Variants in B3GALT1 observed in about 807,000 individuals in gnomAD.
B3GALT1 encodes the protein beta-1,3-galactosyltransferase 1, also known as UDP-Gal:betaGlcNAc beta 1,3-galactosyltransferase, polypeptide 1.
In B3GALT1, 10 loss-of-function variants were observed where a neutral mutation model predicts 23.2. The observed-to-expected ratio is 0.43, with a 90% CI of 0.27 to 0.73. The LOEUF is 0.73. Ranked by LOEUF, B3GALT1 falls within the 30% of genes least tolerant of loss-of-function variation. The pLI is 0.21. For synonymous variants in B3GALT1, 156 were observed against 141.5 expected, an observed-to-expected ratio of 1.10 and a Z score of -0.73; for missense variants, 299 against 405.4, an observed-to-expected ratio of 0.74 and a Z score of 2.25.
rs925309677 is a variant in B3GALT1, at chr2:167,611,537, A to T, written c.-409-35372A>T. On this transcript the variant is annotated intron_variant, in intron 2 of 4. Coordinates refer to ENST00000392690, the MANE Select transcript of B3GALT1 (RefSeq NM_020981.4). ...ACGCAAAAACCAGCTATCACCTGGCAAGATGGCTGATTTCTATAGAAATAT... is the reference window on the plus strand; with the variant it reads ...ACGCAAAAACCAGCTATCACCTGGCTAGATGGCTGATTTCTATAGAAATAT... Among the ~76,000 whole-genome samples the T allele has an allele frequency of 1.2e-4, 19 of 152,164 alleles. No homozygotes were observed. The South Asian group carries it at 3.1e-3, about 25-fold the overall frequency.
chr2:167,796,644 G>A (rs903699513), intron 3 of B3GALT1, among the ~76,000 whole-genome samples: 12 of 151,472 alleles, frequency 7.9e-5, no homozygotes, highest in African/African-American at 2.9e-4. Context: ...AGCTATTCGG[G>A]AGGCTGAGAG....
chr2:167,456,421 G>A (rs11887881), intron 1 of B3GALT1, among the ~76,000 whole-genome samples: 3,678 of 152,210 alleles, frequency 0.024, 145 homozygotes, highest in African/African-American at 0.084. Flanking sequence ...ATGTGGAGAA[G>A]ACATACATCC....
chr2:167,722,769 T>G (rs183222535), intron 3 of B3GALT1, among the ~76,000 whole-genome samples: 51 of 152,278 alleles, frequency 3.3e-4, no homozygotes, highest in Non-Finnish European at 1.8e-4. Flanking sequence ...TCAGAAGTAG[T>G]AAAAGCTCAA....
At chr2:167,772,487 A>G (rs1421562382) in intron 3 of B3GALT1, among the ~76,000 whole-genome samples, 1 of 152,178 alleles carries the variant, frequency 6.6e-6, no homozygotes. Context: ...ATTTGAACTC[A>G]AGGCAGTGTA....
At chr2:167,563,037 C>T (rs1684043249) in intron 2 of B3GALT1, among the ~76,000 whole-genome samples, 1 of 152,116 alleles carries the variant, frequency 6.6e-6, no homozygotes, top group South Asian at 2.1e-4. Context: ...GAAAAGTCTC[C>T]CATGTCCACC....
At chr2:167,569,376 A>C (rs1458762018) in intron 2 of B3GALT1, among the ~76,000 whole-genome samples, 1 of 151,922 alleles carries the variant, frequency 6.6e-6, no homozygotes, top group Non-Finnish European at 1.5e-5. Flanking sequence ...TATTTTTATT[A>C]GAGATTTTTA....
chr2:167,484,792 G>T (rs1699602275), intron 1 of B3GALT1, among the ~76,000 whole-genome samples: 1 of 152,126 alleles, frequency 6.6e-6, no homozygotes, highest in African/African-American at 2.4e-5. Flanking sequence ...ACTAGAAAGG[G>T]AAGGGGATTC....
At chr2:167,345,666 G>A (rs755805578) in intron 1 of B3GALT1, among the ~76,000 whole-genome samples, 2 of 152,032 alleles carry the variant, frequency 1.3e-5, no homozygotes, top group Non-Finnish European at 2.9e-5. Flanking sequence ...ATATGTGCTC[G>A]CTGTTATGTC....
At chr2:167,805,936 G>A (rs550961405) in intron 3 of B3GALT1, among the ~76,000 whole-genome samples, 8 of 151,980 alleles carry the variant, frequency 5.3e-5, no homozygotes, top group Non-Finnish European at 7.4e-5. Flanking sequence ...CCATTTTCAC[G>A]ATATTGATTC....
At chr2:167,542,827 A>AATCAGGT (rs1426306114) in intron 2 of B3GALT1, among the ~76,000 whole-genome samples, 3 of 151,820 alleles carry the variant, frequency 2.0e-5, no homozygotes, top group Admixed American at 2.0e-4. Context: ...AAGAAAGGGA[A>AATCAGGT]AGAACTCAGG....
At chr2:167,456,111 G>C (rs1699170143) in intron 1 of B3GALT1, among the ~76,000 whole-genome samples, 1 of 152,120 alleles carries the variant, frequency 6.6e-6, no homozygotes, top group Admixed American at 6.5e-5. Context: ...TTTGGCTCAT[G>C]GTTCTGCAGA....
intron 2 of B3GALT1, among the ~76,000 whole-genome samples, chr2:167,584,630 G>C (rs1684555003): frequency 6.6e-6 from 1 of 152,134 alleles, no homozygotes; most frequent in Non-Finnish European, 1.5e-5. Context: ...CAAGCCCTAA[G>C]TTGTTTTACC....
rs113022252 is a variant in B3GALT1 at position 167,788,840 on chromosome 2, G to C, written c.-351-29832G>C. Reference sequence around the variant, plus strand: ...AAGATAATGACCAAGGGAGAGGAAGGGAGAACCAATAGAACAGTTTCAAAG... The same window carrying C: ...AAGATAATGACCAAGGGAGAGGAAGCGAGAACCAATAGAACAGTTTCAAAG... On this transcript the variant is annotated intron_variant, in intron 3 of 4. Coordinates refer to ENST00000392690, the MANE Select transcript of B3GALT1 (RefSeq NM_020981.4). 1.8e-3 allele frequency among the ~76,000 whole-genome samples: 277 copies of C among 152,260 alleles called. 4 individuals are homozygous for C. The highest frequency in any genetic ancestry group is 6.4e-3 in the African/African-American group (265 of 41,552).
At chr2:167,453,886 T>C (rs1463009116) in intron 1 of B3GALT1, among the ~76,000 whole-genome samples, 1 of 152,230 alleles carries the variant, frequency 6.6e-6, no homozygotes, top group Middle Eastern at 3.2e-3. Context: ...CTGATTGATA[T>C]ATCGGCTAAA....
chr2:167,856,043 T>A (rs749387465), intron 4 of B3GALT1, among the ~76,000 whole-genome samples: 6 of 152,150 alleles, frequency 3.9e-5, no homozygotes, highest in Admixed American at 2.0e-4. Flanking sequence ...TTTACAACAT[T>A]TTAACAATTT....
chr2:167,715,910 A>G (rs1687135147), intron 3 of B3GALT1: 2 of 1,613,524 alleles, frequency 1.2e-6, no homozygotes, highest in Non-Finnish European at 8.5e-7. Context: ...GAACAACAAA[A>G]AATCCAACAA....
chr2:167,435,433 C>CAAAAAAAAAAAAAAAAAA (rs1159357073), intron 1 of B3GALT1, among the ~76,000 whole-genome samples: 1 of 26,212 alleles, frequency 3.8e-5, no homozygotes, highest in African/African-American at 9.6e-5. Context: ...CATATGCTTG[C>CAAAAAAAAAAAAAAAAAA]AAAAAAAAAA....
At chr2:167,820,691 T>G (rs372438183) in intron 4 of B3GALT1, among the ~76,000 whole-genome samples, 1 of 152,248 alleles carries the variant, frequency 6.6e-6, no homozygotes, top group East Asian at 1.9e-4. Flanking sequence ...TGGAAGCTAT[T>G]TGTTAGTGCA....
intron 3 of B3GALT1, among the ~76,000 whole-genome samples, chr2:167,685,599 A>C (rs1686605446): frequency 6.6e-6 from 1 of 152,162 alleles, no homozygotes; most frequent in Admixed American, 6.6e-5. Flanking sequence ...ACATATTTAA[A>C]GGATGGAAAC....
Sources: gnomAD v4.1 joint callset for allele counts (sites outside exome capture counted in the v4.1 genomes callset) on GRCh38, gnomAD v4.1.1 for gene constraint, MANE v1.5 for transcripts, NCBI Gene and HGNC (gene_info 2026-07-23, HGNC 2026-07-21) for gene names.